The following EPHA6 variants were observed in gnomAD, a reference collection of about 807,000 sequenced individuals.
The protein encoded by EPHA6 is EPH receptor A6, also known as ephrin type-A receptor 6.
Under a neutral mutation model 112.0 loss-of-function variants are expected in EPHA6, and 50 were observed. The ratio of observed to expected loss-of-function variants is 0.45; its 90% CI spans 0.36 to 0.56. The LOEUF (loss-of-function observed/expected upper bound fraction) is 0.56. Among genes scored for constraint, EPHA6 ranks in the 20% least tolerant of loss-of-function variants. EPHA6 has a pLI of 0.00. For missense variants in EPHA6, 1,280 were observed against 1,417.4 expected (o/e 0.90, Z 1.56); for synonymous variants, 529 against 490.7 (o/e 1.08, Z -1.03).
At chr3:96,848,601 G>C (rs2035213165) in intron 1 of EPHA6, among the ~76,000 whole-genome samples, 1 of 151,904 alleles carries the variant, frequency 6.6e-6, no homozygotes, top group Non-Finnish European at 1.5e-5. Flanking sequence ...CCCCAGCTTG[G>C]GTCACAGAGT....
chr3:97,569,787 G>A, intron 11 of EPHA6: 1 of 152,106 alleles, frequency 6.6e-6, no homozygotes. Flanking sequence ...GTAGTTTCTG[G>A]TACTTCAGTT....
intron 3 of EPHA6, among the ~76,000 whole-genome samples, chr3:97,203,254 T>A (rs2077626802): frequency 6.6e-6 from 1 of 152,016 alleles, no homozygotes; most frequent in Non-Finnish European, 1.5e-5. Context: ...AAAGAGTCAT[T>A]GGGATAATTC....
Position 97,244,109 on chromosome 3 carries a change from T to C in EPHA6, c.1428T>C (p.Cys476=), listed in dbSNP as rs761845354. The change falls in exon 5 of 18, where the codon TGT becomes TGC. Residue 476 remains cysteine (C), a synonymous_variant. Transcript: ENST00000389672. ...TAGACACCAGCCAGTGTGAGGACTG[T>C]GGTGGAGGACTCCGCTTCATCCCAA... ...CGLDTSQCED[C]GGGLRFIPRH... 3 of 1,612,926 alleles carry C rather than the reference T, an allele frequency of 1.9e-6. No individual in the cohort carries two copies. Among genetic ancestry groups the C allele is most frequent in the Admixed American group, 1.7e-5 (1 of 59,804 alleles).
chr3:97,264,332 A>G (rs144932459), intron 5 of EPHA6, among the ~76,000 whole-genome samples: 1 of 152,356 alleles, frequency 6.6e-6, no homozygotes, highest in Non-Finnish European at 1.5e-5. Context: ...GCCATTGCGC[A>G]CAGTTGGACA....
intron 5 of EPHA6, among the ~76,000 whole-genome samples, chr3:97,401,711 G>T (rs2087002788): frequency 6.6e-6 from 1 of 151,036 alleles, no homozygotes. Flanking sequence ...ACTAGTTTTG[G>T]GCTTGATTTG....
chr3:97,003,157 G>C (rs1559660331), intron 3 of EPHA6, among the ~76,000 whole-genome samples: 2 of 151,936 alleles, frequency 1.3e-5, no homozygotes, highest in Non-Finnish European at 2.9e-5. Context: ...GCCCAGGCTG[G>C]AGTGCAATGG....
chr3:97,235,110 A>G (rs976627855), intron 4 of EPHA6, among the ~76,000 whole-genome samples: 4 of 152,244 alleles, frequency 2.6e-5, no homozygotes, highest in Middle Eastern at 3.4e-3. Flanking sequence ...CCCTCAAAAT[A>G]AAATTATTCG....
intron 3 of EPHA6, among the ~76,000 whole-genome samples, chr3:97,005,283 T>C (rs1254939597): frequency 6.6e-6 from 1 of 152,204 alleles, no homozygotes; most frequent in African/African-American, 2.4e-5. Context: ...ATGTTCTCTC[T>C]TATTTCCTTG....
chr3:97,186,574 TC>T (rs1271622578), intron 3 of EPHA6, among the ~76,000 whole-genome samples: 1 of 152,126 alleles, frequency 6.6e-6, no homozygotes, highest in African/African-American at 2.4e-5. Context: ...GCCAAACGTA[TC>T]GATTCAAAGT....
chr3:96,825,314 G>A (rs2033575348), intron 1 of EPHA6, among the ~76,000 whole-genome samples: 1 of 150,990 alleles, frequency 6.6e-6, no homozygotes, highest in Admixed American at 6.6e-5. Context: ...TATATTTAGT[G>A]ATGAGAGCTT....
chr3:96,968,021 C>A (rs569703358), intron 2 of EPHA6, among the ~76,000 whole-genome samples: 1 of 151,650 alleles, frequency 6.6e-6, no homozygotes, highest in East Asian at 1.9e-4. Context: ...TATTTATATG[C>A]TTACTATTTT....
chr3:97,322,628 G>GA (rs2082174316), intron 5 of EPHA6, among the ~76,000 whole-genome samples: 1 of 151,800 alleles, frequency 6.6e-6, no homozygotes, highest in Admixed American at 6.6e-5. Flanking sequence ...CTATTGGCTG[G>GA]AAAAAATATT....
At chr3:96,959,951 C>G (rs1253903119) in intron 2 of EPHA6, among the ~76,000 whole-genome samples, 8 of 151,926 alleles carry the variant, frequency 5.3e-5, no homozygotes, top group African/African-American at 1.9e-4. Flanking sequence ...ATAGGCATAG[C>G]TGGAAAAGAG....
At chr3:97,001,885 G>A (rs1180712242) in intron 3 of EPHA6, among the ~76,000 whole-genome samples, 1 of 151,976 alleles carries the variant, frequency 6.6e-6, no homozygotes, top group Non-Finnish European at 1.5e-5. Flanking sequence ...CCCATTATTG[G>A]ACAGTATCAA....
At chr3:97,639,900 A>G (rs997216966) in intron 14 of EPHA6, among the ~76,000 whole-genome samples, 1 of 152,216 alleles carries the variant, frequency 6.6e-6, no homozygotes, top group Non-Finnish European at 1.5e-5. Flanking sequence ...TGATTAAGAA[A>G]TAAGTCTCTG....
intron 3 of EPHA6, among the ~76,000 whole-genome samples, chr3:97,052,641 G>A (rs1270569632): frequency 1.3e-5 from 2 of 152,202 alleles, no homozygotes; most frequent in African/African-American, 4.8e-5. Context: ...TTATTAAGAA[G>A]TAAAGCCAAA....
chr3:97,747,951 C>G (rs2035784464), intron 17 of EPHA6, among the ~76,000 whole-genome samples: 1 of 151,906 alleles, frequency 6.6e-6, no homozygotes, highest in Non-Finnish European at 1.5e-5. Context: ...TTCAGAGCTC[C>G]TTCTAGATAT....
chr3:97,587,820 A>G (rs1042997379), intron 11 of EPHA6, among the ~76,000 whole-genome samples: 18 of 152,320 alleles, frequency 1.2e-4, no homozygotes, highest in South Asian at 1.0e-3. Context: ...GTTGGACACC[A>G]CTATGTAAGA....
chr3:97,697,485 C>T (rs1010635362), intron 14 of EPHA6, among the ~76,000 whole-genome samples: 2 of 152,130 alleles, frequency 1.3e-5, no homozygotes, highest in South Asian at 4.1e-4. Flanking sequence ...AAGTGGGATG[C>T]TTCTTAGTCC....
Sources: gnomAD v4.1 joint callset for allele counts (sites outside exome capture counted in the v4.1 genomes callset) on GRCh38, gnomAD v4.1.1 for gene constraint, MANE v1.5 for transcripts, NCBI Gene and HGNC (gene_info 2026-07-23, HGNC 2026-07-21) for gene names.